Variants in FHIP2A observed in about 807,000 individuals in gnomAD.
The protein encoded by FHIP2A is family with sequence similarity 160 member B1.
Under a neutral mutation model 93.5 loss-of-function variants are expected in FHIP2A, and 46 were observed. The ratio of observed to expected loss-of-function variants is 0.49; its 90% CI spans 0.39 to 0.63. The LOEUF (loss-of-function observed/expected upper bound fraction) is 0.63. Among genes scored for constraint, FHIP2A ranks in the 20% least tolerant of loss-of-function variants. FHIP2A has a pLI of 0.00. For synonymous variants in FHIP2A, 332 were observed against 326.5 expected (o/e 1.02, Z -0.18); for missense variants, 769 against 909.7 (o/e 0.85, Z 1.99).
intron 15 of FHIP2A, 88 bp from the exon 16 acceptor site, chr10:114,861,143 G>C: frequency 2.0e-6 from 3 of 1,531,348 alleles, no homozygotes; most frequent in South Asian, 2.5e-5. Context: ...TTATTAAATA[G>C]TAGGGAAGGA....
At chr10:114,884,463 T>C (rs2083931758) in intron 16 of FHIP2A, among the ~76,000 whole-genome samples, 1 of 152,220 alleles carries the variant, frequency 6.6e-6, no homozygotes, top group Non-Finnish European at 1.5e-5. Context: ...TCTGAACCTC[T>C]TTCTTCTCAG....
At position 114,846,805 on chromosome 10, in the gene FHIP2A, C is replaced by A. The variant is rs987474710; in HGVS notation, c.1568+77C>A. ...TTTCTCTCTCCTCTTATCTACCTCC[C>A]TTATCCTCAAAAGAAATACCTCTTA... On this transcript the variant is annotated intron_variant, in intron 11 of 16. Coordinates refer to ENST00000369248, the MANE Select transcript of FHIP2A (RefSeq NM_020940.4). 1.5e-5 allele frequency: 20 copies of A among 1,309,008 alleles called. No individual in the cohort carries two copies. In the African/African-American group the frequency reaches 2.5e-4, roughly 17 times the overall value. 81.1% of individuals were successfully genotyped at this position (1,309,008 alleles called of 1,614,324 possible).
intron 16 of FHIP2A, among the ~76,000 whole-genome samples, chr10:114,884,972 A>G (rs2083935305): frequency 6.6e-6 from 1 of 152,094 alleles, no homozygotes; most frequent in African/African-American, 2.4e-5. Context: ...ATTCAGGGTA[A>G]GAATGCAATA....
chr10:114,851,717 A>C (rs1178981526), intron 13 of FHIP2A, among the ~76,000 whole-genome samples: 1 of 134,896 alleles, frequency 7.4e-6, no homozygotes, highest in African/African-American at 2.6e-5. Context: ...ATTTCTGCAA[A>C]AAAAAAAAAA....
At chr10:114,830,743 C>A in intron 1 of FHIP2A, 109 bp from the exon 2 acceptor site, 1 of 562,384 alleles carries the variant, frequency 1.8e-6, no homozygotes. Context: ...CAAAGTTCAC[C>A]CCTTATTTTT....
At chr10:114,822,501 C>T (rs1469374860) in intron 1 of FHIP2A, among the ~76,000 whole-genome samples, 3 of 152,234 alleles carry the variant, frequency 2.0e-5, no homozygotes, top group African/African-American at 7.2e-5. Flanking sequence ...CCCCGGGCTC[C>T]CTTAACGTTA....
rs574472555 is a variant in FHIP2A at position 114,847,312 on chromosome 10, G to A, written c.1712+79G>A. 15 of 1,348,802 alleles carry A rather than the reference G, an allele frequency of 1.1e-5. No homozygotes were observed. The Admixed American group carries it at 2.9e-4, about 26-fold the overall frequency. The allele number at this position is 1,348,802 out of a possible 1,614,324, so 83.6% of individuals were successfully genotyped here. A position where few individuals can be genotyped will look rare whatever the true frequency, so the allele number is the denominator to read the frequency against. On this transcript the variant is annotated intron_variant, in intron 12 of 16. Transcript: ENST00000369248. Reference sequence around the variant, plus strand: ...TATTAGTATTATTATTTTTTGAGATGGAGTCTTGCTCTGTTGCCCACGCTG... The same window carrying A: ...TATTAGTATTATTATTTTTTGAGATAGAGTCTTGCTCTGTTGCCCACGCTG...
chr10:114,879,813 T>C (rs181369501), intron 16 of FHIP2A, among the ~76,000 whole-genome samples: 1 of 152,304 alleles, frequency 6.6e-6, no homozygotes, highest in African/African-American at 2.4e-5. Context: ...ACTAGCTTCC[T>C]TCGAGCCAAT....
At chr10:114,831,136 A>G (rs1033768348) in intron 2 of FHIP2A, among the ~76,000 whole-genome samples, 3 of 152,206 alleles carry the variant, frequency 2.0e-5, no homozygotes, top group Admixed American at 2.0e-4. Flanking sequence ...TTGTTGAGGC[A>G]CTGGGGGATA....
chr10:114,843,621 A>C (rs1195470239), intron 6 of FHIP2A, 120 bp from the exon 7 acceptor site: 29 of 849,784 alleles, frequency 3.4e-5, no homozygotes, highest in Non-Finnish European at 4.7e-5. Context: ...TGCATTTAAA[A>C]TAGACAAAAA....
At position 114,847,171 on chromosome 10, in the gene FHIP2A, T is replaced by A; in HGVS notation, c.1650T>A (p.Pro550=). Residue 550 remains proline, a synonymous_variant, in exon 12 of 17, where the codon CCT becomes CCA. Transcript: ENST00000369248. ...LPNQEWLSSS[P]PATPDHPKND... The stretch of plus-strand genomic sequence containing the variant: ...ACCAAGAGTGGCTTAGTTCTTCACC[T>A]CCTGCTACTCCAGACCACCCCAAAA... 6.2e-7 allele frequency: 1 copy of A among 1,613,572 alleles called. No individual in the cohort carries two copies.
intron 16 of FHIP2A, among the ~76,000 whole-genome samples, chr10:114,891,171 G>A (rs547713519): frequency 1.3e-5 from 2 of 150,802 alleles, no homozygotes; most frequent in Non-Finnish European, 2.9e-5. Context: ...TCTAGCATGG[G>A]CAACAACGTG....
At position 114,862,369 on chromosome 10, in the gene FHIP2A, C is replaced by G. The variant is rs1469642692; in HGVS notation, c.*829C>G. The G allele has an allele frequency of 5.1e-6, 5 of 987,202 alleles. No homozygotes were observed. The highest frequency in any genetic ancestry group is 1.7e-5 in the African/African-American group (1 of 57,226). 61.2% of individuals were successfully genotyped at this position (987,202 alleles called of 1,614,324 possible). A position where few individuals can be genotyped will look rare whatever the true frequency, so the allele number is the denominator to read the frequency against. Reference sequence around the variant, plus strand: ...GTTGAGAACCTTTTTCCCCCCTCTCCCTCTCAGAAAATTGCTTTATAAAAT... The same window carrying G: ...GTTGAGAACCTTTTTCCCCCCTCTCGCTCTCAGAAAATTGCTTTATAAAAT... On this transcript the variant is annotated 3_prime_UTR_variant, in exon 17 of 17. Coordinates refer to ENST00000369248, the MANE Select transcript of FHIP2A (RefSeq NM_020940.4).
chr10:114,867,261 C>T (rs1171752105), downstream of FHIP2A, among the ~76,000 whole-genome samples: 1 of 150,840 alleles, frequency 6.6e-6, no homozygotes. Flanking sequence ...TAGCAAGAAA[C>T]TTCTGCATCC....
At chr10:114,838,186 CTTTGTT>C (rs1566368236) in intron 5 of FHIP2A, among the ~76,000 whole-genome samples, 1 of 152,108 alleles carries the variant, frequency 6.6e-6, no homozygotes, top group African/African-American at 2.4e-5. Flanking sequence ...GTTGTTAGGT[CTTTGTT>C]TGTTTTGTTA....
intron 10 of FHIP2A, 95 bp downstream of exon 10, chr10:114,846,462 T>C: frequency 1.4e-6 from 2 of 1,440,070 alleles, no homozygotes; most frequent in South Asian, 1.3e-5. Flanking sequence ...ACCTCTTTTA[T>C]TGGCTTTAGA....
chr10:114,831,843 C>T (rs1170305994), intron 2 of FHIP2A, among the ~76,000 whole-genome samples: 2 of 152,202 alleles, frequency 1.3e-5, no homozygotes, highest in African/African-American at 4.8e-5. Context: ...AGTTGTCTAA[C>T]TCCAGGGCCC....
Position 114,821,783 on chromosome 10 carries a change from C to T in FHIP2A, c.-296C>T, listed in dbSNP as rs559976929. The stretch of plus-strand genomic sequence containing the variant: ...GCAGAGCGGGGGGAAGGAACCCGAG[C>T]CGGGCTGCCACCGTGTCCCAACCGG... On this transcript the variant is annotated 5_prime_UTR_variant, in exon 1 of 17. Transcript: ENST00000369248. The T allele has an allele frequency of 3.1e-5, 5 of 163,768 alleles. No homozygotes were observed. The highest frequency in any genetic ancestry group is 1.3e-5 in the Non-Finnish European group (1 of 76,220). The allele number at this position is 163,768 out of a possible 1,614,324, so 10.1% of individuals were successfully genotyped here. A position where few individuals can be genotyped will look rare whatever the true frequency, so the allele number is the denominator to read the frequency against.
chr10:114,897,436 TG>T (rs2084006296), intron 16 of FHIP2A, among the ~76,000 whole-genome samples: 1 of 152,232 alleles, frequency 6.6e-6, no homozygotes, highest in Admixed American at 6.5e-5. Flanking sequence ...GGAAATTAAA[TG>T]TATGTTCAAA....
Sources: allele counts gnomAD v4.1 joint callset (sites outside exome capture counted in the v4.1 genomes callset), GRCh38; gene constraint gnomAD v4.1.1; transcripts MANE v1.5; gene names NCBI Gene and HGNC (gene_info 2026-07-23, HGNC 2026-07-21).